The following ESF1 variants were observed in gnomAD, a reference collection of about 807,000 sequenced individuals.
ESF1 encodes ESF1 homolog.
A neutral mutation model predicts 92.0 loss-of-function variants in ESF1; 58 were observed. The observed-to-expected ratio is 0.63, with a 90% CI of 0.51 to 0.78. The LOEUF (loss-of-function observed/expected upper bound fraction) is 0.78. ESF1 is among the 30% of genes least tolerant of loss of function. The pLI is 0.00. For missense variants in ESF1, 922 were observed against 989.1 expected (o/e 0.93, Z 0.91); for synonymous variants, 321 against 313.7 (o/e 1.02, Z -0.24).
chr20:13,773,084 G>A (rs979492837), intron 4 of ESF1, among the ~76,000 whole-genome samples: 7 of 152,154 alleles, frequency 4.6e-5, no homozygotes, highest in Non-Finnish European at 7.4e-5. Flanking sequence ...AAATAGAACA[G>A]AACTGACGAC....
chr20:13,728,648 C>T (rs1248162015), intron 10 of ESF1, among the ~76,000 whole-genome samples, 183 bp from the exon 11 acceptor site: 2 of 152,094 alleles, frequency 1.3e-5, no homozygotes, highest in African/African-American at 4.8e-5. Context: ...GGGTGGATCA[C>T]GAGGTCAGGA....
chr20:13,715,001 T>C lies in ESF1; in HGVS notation c.2429A>G (p.Lys810Arg). 6.2e-7 allele frequency: 1 copy of C among 1,614,108 alleles called. No homozygotes were observed. The highest frequency in any genetic ancestry group is 8.5e-7 in the Non-Finnish European group (1 of 1,180,022). Residue 810 changes from lysine (K) to arginine (R), a missense_variant, in exon 14 of 14, where the codon AAA becomes AGA. By Grantham distance (26) the Lys-to-Arg change is conservative. Transcript: ENST00000617257. ...TTCCTTTTCAATCTCACTCTCTTTT[T>C]TCTTTATTGCCTGAGTAAGTTCTTG... ...KEQELTQAIK[K>R]KESEIEKESQ...
chr20:13,769,614 T>C (rs1258697633), intron 7 of ESF1, among the ~76,000 whole-genome samples: 1 of 152,062 alleles, frequency 6.6e-6, no homozygotes, highest in Non-Finnish European at 1.5e-5. Flanking sequence ...AGCGAAACAC[T>C]GTCCCTAGTA....
At chr20:13,730,467 T>C (rs2049934989) in intron 10 of ESF1, among the ~76,000 whole-genome samples, 1 of 149,496 alleles carries the variant, frequency 6.7e-6, no homozygotes, top group African/African-American at 2.5e-5. Context: ...CACTGCACGC[T>C]CCACCTCCCG....
intron 9 of ESF1, among the ~76,000 whole-genome samples, chr20:13,754,861 AT>A (rs1659733362): frequency 6.6e-6 from 1 of 152,166 alleles, no homozygotes; most frequent in Non-Finnish European, 1.5e-5. Flanking sequence ...TACCTCTCTG[AT>A]CTCAGTTACT....
At chr20:13,720,283 T>C (rs926765282) in intron 11 of ESF1, among the ~76,000 whole-genome samples, 2 of 152,098 alleles carry the variant, frequency 1.3e-5, no homozygotes, top group Admixed American at 6.6e-5. Context: ...GAGAGCCAAG[T>C]GTGACCCACT....
At chr20:13,756,118 G>A (rs938891637) in intron 9 of ESF1, among the ~76,000 whole-genome samples, 9 of 152,172 alleles carry the variant, frequency 5.9e-5, no homozygotes, top group Admixed American at 2.6e-4. Flanking sequence ...CGTCATGAAA[G>A]TACTTTGTAG....
intron 9 of ESF1, among the ~76,000 whole-genome samples, chr20:13,758,870 C>T (rs1396125819): frequency 1.3e-5 from 2 of 152,146 alleles, no homozygotes; most frequent in Non-Finnish European, 2.9e-5. Context: ...GAGGAGGATA[C>T]ATTCCAGGAC....
chr20:13,782,946 T>C lies in ESF1; in HGVS notation c.195A>G (p.Thr65=), dbSNP rs765692638. The stretch of plus-strand genomic sequence containing the variant: ...GGTCGTAAAAACGCTTCAAATCCTC[T>C]GTAGTGCTATGGCTAATGGGGCGCC... ...KRGRPISHST[T]EDLKRFYDLS... Residue 65 remains threonine, a synonymous_variant, in exon 2 of 14, where the codon ACA becomes ACG. Coordinates refer to ENST00000617257, the MANE Select transcript of ESF1 (RefSeq NM_001276380.2). 10 of 1,614,076 alleles carry C rather than the reference T, an allele frequency of 6.2e-6. No individual in the cohort carries two copies. The East Asian group carries it at 2.0e-4, about 32-fold the overall frequency.
chr20:13,769,861 T>A, intron 7 of ESF1, 46 bp downstream of exon 7: 6 of 1,193,150 alleles, frequency 5.0e-6, no homozygotes, highest in Non-Finnish European at 4.9e-6. Flanking sequence ...AATCTCTTCA[T>A]AAAGCAATAG....
chr20:13,737,923 T>C (rs1440181163), intron 9 of ESF1, among the ~76,000 whole-genome samples: 2 of 152,146 alleles, frequency 1.3e-5, no homozygotes, highest in Admixed American at 6.5e-5. Context: ...CCCAAAGTGC[T>C]AGGATTACAG....
chr20:13,775,867 G>T lies in ESF1; in HGVS notation c.1035+6C>A. On this transcript the variant is annotated splice_donor_region_variant and intron_variant, in intron 3 of 13. Coordinates refer to ENST00000617257, the MANE Select transcript of ESF1 (RefSeq NM_001276380.2). The stretch of plus-strand genomic sequence containing the variant: ...CACAAATAATCTTGTTTATTCAAAA[G>T]GTTACCTCATCAGCACGAGGAGCAT... 1.9e-6 allele frequency: 3 copies of T among 1,589,030 alleles called. No individual in the cohort carries two copies. Among genetic ancestry groups the T allele is most frequent in the Non-Finnish European group, 2.6e-6 (3 of 1,169,054 alleles).
At chr20:13,733,122 C>T (rs1343690834) in intron 10 of ESF1, among the ~76,000 whole-genome samples, 2 of 149,994 alleles carry the variant, frequency 1.3e-5, no homozygotes, top group Non-Finnish European at 2.9e-5. Flanking sequence ...GGCAGGGTTT[C>T]GCCATGTTGG....
Position 13,714,846 on chromosome 20 carries a change from ATTCAG to A in ESF1, c.*23_*27del. 6.5e-7 allele frequency: 1 copy of A among 1,548,376 alleles called. No individual in the cohort carries two copies. ...TTTTGTACATTTTAGGAAAAGATGT[ATTCAG>A]TTCAAAAATAAGTAACATCCAGTTA... On this transcript the variant is annotated 3_prime_UTR_variant, in exon 14 of 14. Coordinates refer to ENST00000617257, the MANE Select transcript of ESF1 (RefSeq NM_001276380.2).
At chr20:13,756,439 C>T (rs1048352256) in intron 9 of ESF1, among the ~76,000 whole-genome samples, 5 of 152,186 alleles carry the variant, frequency 3.3e-5, no homozygotes, top group Non-Finnish European at 7.3e-5. Flanking sequence ...GTGAAACTGA[C>T]ACTCTTACTG....
rs1979069024 is a variant in ESF1, at chr20:13,759,755, T to C, written c.1765A>G (p.Ile589Val). 1.9e-6 allele frequency: 3 copies of C among 1,569,434 alleles called. No homozygotes were observed. Among genetic ancestry groups the C allele is most frequent in the African/African-American group, 1.4e-5 (1 of 71,356 alleles). ...TTGCCTTTCTTTTCTTTTTCTTGAA[T>C]AACCTGCAAGAGCTGCCTGTATTTA... ...IAKYRQLLQV[I>V]QEKEKKGKEN... The change falls in exon 9 of 14, where the codon ATT (isoleucine) becomes GTT (valine). Residue 589 changes from isoleucine to valine, a missense_variant. Ile to Val is a conservative substitution (Grantham distance 29). Transcript: ENST00000617257.
intron 4 of ESF1, among the ~76,000 whole-genome samples, chr20:13,773,913 GTGAAAACCC>G (rs1979804673): frequency 6.6e-6 from 1 of 152,092 alleles, no homozygotes; most frequent in Admixed American, 6.5e-5. Context: ...GGCTAACACA[GTGAAAACCC>G]GTCTCTACTA....
At chr20:13,754,163 C>A (rs1455237362) in intron 9 of ESF1, among the ~76,000 whole-genome samples, 1 of 152,180 alleles carries the variant, frequency 6.6e-6, no homozygotes, top group Non-Finnish European at 1.5e-5. Flanking sequence ...CCCATCATCC[C>A]ACAAAAACCA....
intron 9 of ESF1, among the ~76,000 whole-genome samples, chr20:13,737,065 A>T (rs1039888679): frequency 6.6e-6 from 1 of 152,142 alleles, no homozygotes; most frequent in African/African-American, 2.4e-5. Flanking sequence ...CATAAGTACG[A>T]GAACATTCTT....
Sources: gnomAD v4.1 joint callset for allele counts (sites outside exome capture counted in the v4.1 genomes callset) on GRCh38, gnomAD v4.1.1 for gene constraint, MANE v1.5 for transcripts, NCBI Gene and HGNC (gene_info 2026-07-23, HGNC 2026-07-21) for gene names.